The following NPAS3 variants were observed in gnomAD, a reference collection of about 807,000 sequenced individuals.
NPAS3 encodes the protein neuronal PAS domain-containing protein 3.
NPAS3 carries 14 observed loss-of-function variants against 73.1 expected under a neutral mutation model. The observed-to-expected ratio is 0.19, with a 90% CI of 0.13 to 0.30. The LOEUF (loss-of-function observed/expected upper bound fraction) is 0.30, where lower values mean the gene tolerates loss of function less well. Ranked by LOEUF, NPAS3 falls within the 10% of genes least tolerant of loss-of-function variation. NPAS3 has a pLI of 1.00. For missense variants in NPAS3, 1,096 were observed against 1,250.0 expected, an observed-to-expected ratio of 0.88 and a Z score of 1.86; for synonymous variants, 620 against 541.5, an observed-to-expected ratio of 1.14 and a Z score of -2.01.
Position 33,004,817 on chromosome 14 carries a change from C to CTTTTTTTTTTTTT in NPAS3, c.51-51081_51-51069dup. Among the ~76,000 whole-genome samples the CTTTTTTTTTTTTT allele has an allele frequency of 7.8e-5, 5 of 64,000 alleles. 1 individual carries two copies. Among genetic ancestry groups the CTTTTTTTTTTTTT allele is most frequent in the Non-Finnish European group, 1.0e-4 (3 of 28,632 alleles). 42.0% of individuals were successfully genotyped at this position (64,000 alleles called of 152,430 possible). A position where few individuals can be genotyped will look rare whatever the true frequency, so the allele number is the denominator to read the frequency against. On this transcript the variant is annotated intron_variant, in intron 1 of 11. Coordinates refer to ENST00000356141, the Ensembl canonical transcript of NPAS3. ...CTTTTTTCTATTGTAAAAAGTTTTCCTTTTTTTTTTTTTTTTTTTAGTTTT... is the reference window on the plus strand; with the variant it reads ...CTTTTTTCTATTGTAAAAAGTTTTCCTTTTTTTTTTTTTTTTTTTTTTTTTTTTTTTTAGTTTT...
chr14:33,504,688 A>C (rs960399003), intron 4 of NPAS3, among the ~76,000 whole-genome samples: 4 of 152,056 alleles, frequency 2.6e-5, no homozygotes, highest in Non-Finnish European at 2.9e-5. Flanking sequence ...TTTATTCAGC[A>C]CCTACTATGT....
At chr14:33,627,181 T>C (rs965156076) in intron 5 of NPAS3, among the ~76,000 whole-genome samples, 1 of 152,178 alleles carries the variant, frequency 6.6e-6, no homozygotes, top group African/African-American at 2.4e-5. Context: ...GAATCCACAC[T>C]GGGTCACAGC....
At chr14:33,583,620 T>A (rs1321562206) in intron 5 of NPAS3, among the ~76,000 whole-genome samples, 1 of 152,166 alleles carries the variant, frequency 6.6e-6, no homozygotes, top group African/African-American at 2.4e-5. Flanking sequence ...GAGAAACAAA[T>A]CTCTTTTTCT....
rs117421783 is a variant in NPAS3, at chr14:33,366,892, C to T, written c.386-294C>T. ...GTGTACTAATTTATTTTAAAGGAAC[C>T]TGAACATTCATATGTTTTTATTCCA... On this transcript the variant is annotated intron_variant, in intron 3 of 11. Coordinates refer to ENST00000356141, the Ensembl canonical transcript of NPAS3. Among the ~76,000 whole-genome samples the T allele has an allele frequency of 2.6e-3, 403 of 152,152 alleles. 1 individual carries two copies. Among genetic ancestry groups the T allele is most frequent in the Non-Finnish European group, 4.6e-3 (316 of 68,000 alleles).
At chr14:32,998,143 A>G (rs970532878) in intron 1 of NPAS3, among the ~76,000 whole-genome samples, 1 of 152,230 alleles carries the variant, frequency 6.6e-6, no homozygotes, top group African/African-American at 2.4e-5. Context: ...TCATCAACAG[A>G]TGATTAGAAA....
intron 2 of NPAS3, among the ~76,000 whole-genome samples, chr14:33,086,803 A>G (rs2042039972): frequency 6.6e-6 from 1 of 152,072 alleles, no homozygotes; most frequent in East Asian, 1.9e-4. Context: ...GTGAGTAGAG[A>G]CATTCATCTG....
At position 33,235,805 on chromosome 14, in the gene NPAS3, C is replaced by CTTTTTTTTTT. The variant is rs35968798; in HGVS notation, c.385+20394_385+20403dup. 2.9e-3 allele frequency among the ~76,000 whole-genome samples: 237 copies of CTTTTTTTTTT among 80,632 alleles called. 25 individuals are homozygous for CTTTTTTTTTT. The highest frequency in any genetic ancestry group is 0.011 in the African/African-American group (219 of 19,954). 52.9% of individuals were successfully genotyped at this position (80,632 alleles called of 152,430 possible). On this transcript the variant is annotated intron_variant, in intron 3 of 11. Coordinates refer to ENST00000356141, the Ensembl canonical transcript of NPAS3. ...GACTAAAAGTTCTGTTGATACAATT[C>CTTTTTTTTTT]TTTTTTTTTTTTTTTTTTTTTTTTG...
intron 4 of NPAS3, among the ~76,000 whole-genome samples, chr14:33,400,174 C>T (rs756841033): frequency 1.3e-5 from 2 of 152,098 alleles, no homozygotes; most frequent in Admixed American, 6.6e-5. Flanking sequence ...TTTAAAGATG[C>T]TTTTCAAGTT....
intron 5 of NPAS3, among the ~76,000 whole-genome samples, chr14:33,606,766 C>G (rs1313695736): frequency 6.6e-6 from 1 of 152,126 alleles, no homozygotes; most frequent in Admixed American, 6.5e-5. Context: ...AAGTTTAAAA[C>G]TTCTACTGTT....
chr14:32,966,472 G>A (rs1377952921), intron 1 of NPAS3, among the ~76,000 whole-genome samples: 2 of 152,092 alleles, frequency 1.3e-5, no homozygotes, highest in Non-Finnish European at 2.9e-5. Context: ...TTCAGGAAAT[G>A]GTACTAGGAA....
chr14:33,656,110 CAG>C (rs2059138762), intron 5 of NPAS3, among the ~76,000 whole-genome samples: 2 of 152,202 alleles, frequency 1.3e-5, no homozygotes, highest in South Asian at 4.2e-4. Context: ...TCTGTTCAGT[CAG>C]ACTTTCCACA....
chr14:33,430,409 T>C (rs1003522427), intron 4 of NPAS3, among the ~76,000 whole-genome samples: 1 of 152,174 alleles, frequency 6.6e-6, no homozygotes, highest in African/African-American at 2.4e-5. Flanking sequence ...CTTGGGTCTT[T>C]GGGTCATTTA....
chr14:33,251,496 G>C (rs1179453881), intron 3 of NPAS3, among the ~76,000 whole-genome samples: 1 of 152,054 alleles, frequency 6.6e-6, no homozygotes, highest in East Asian at 1.9e-4. Flanking sequence ...GGAGCCCAGT[G>C]AATGAAAAGG....
intron 9 of NPAS3, among the ~76,000 whole-genome samples, chr14:33,784,970 G>A (rs1232300739): frequency 1.3e-5 from 2 of 150,666 alleles, no homozygotes; most frequent in African/African-American, 2.4e-5. Context: ...GGCTGGTCTC[G>A]AGCTCCCAAC....
chr14:33,704,386 T>A (rs1368213115), intron 6 of NPAS3, among the ~76,000 whole-genome samples: 2 of 152,232 alleles, frequency 1.3e-5, no homozygotes, highest in Non-Finnish European at 2.9e-5. Flanking sequence ...ACCAAGTACA[T>A]CACTCTCAGA....
intron 3 of NPAS3, among the ~76,000 whole-genome samples, chr14:33,327,526 A>G (rs2043766016): frequency 6.6e-6 from 1 of 152,234 alleles, no homozygotes; most frequent in African/African-American, 2.4e-5. Flanking sequence ...AACTTAAAGC[A>G]TATATTCAGA....
intron 5 of NPAS3, among the ~76,000 whole-genome samples, chr14:33,590,787 G>C (rs78732311): frequency 6.6e-6 from 1 of 152,090 alleles, no homozygotes; most frequent in Non-Finnish European, 1.5e-5. Context: ...TCTGGATCCA[G>C]GTGGCTCAGG....
chr14:33,699,436 A>G (rs2060470788), intron 6 of NPAS3, among the ~76,000 whole-genome samples: 1 of 152,174 alleles, frequency 6.6e-6, no homozygotes, highest in Admixed American at 6.5e-5. Context: ...GAGCTCAGGA[A>G]AAATTATTTG....
At chr14:33,591,416 G>A (rs535142144) in intron 5 of NPAS3, among the ~76,000 whole-genome samples, 1 of 152,172 alleles carries the variant, frequency 6.6e-6, no homozygotes. Context: ...TTTGTCTTGG[G>A]AAGTGCAGAG....
Sources: gnomAD v4.1 joint callset for allele counts (sites outside exome capture counted in the v4.1 genomes callset) on GRCh38, gnomAD v4.1.1 for gene constraint, MANE v1.5 for transcripts, NCBI Gene and HGNC (gene_info 2026-07-23, HGNC 2026-07-21) for gene names.